Variants in SPTLC2 observed in about 807,000 individuals in gnomAD.
The protein encoded by SPTLC2 is serine palmitoyltransferase long chain base subunit 2, also known as serine palmitoyltransferase 2.
SPTLC2 carries 21 observed loss-of-function variants against 62.0 expected under a neutral mutation model. The observed-to-expected ratio is 0.34, with a 90% CI of 0.24 to 0.49. The LOEUF is 0.49. Ranked by LOEUF, SPTLC2 falls within the 20% of genes least tolerant of loss-of-function variation. The pLI is 0.99. For missense variants in SPTLC2, 511 were observed against 713.0 expected, an observed-to-expected ratio of 0.72 and a Z score of 3.23; for synonymous variants, 261 against 261.8, an observed-to-expected ratio of 1.00 and a Z score of 0.03.
chr14:77,545,259 G>C (rs1366336237), intron 9 of SPTLC2, among the ~76,000 whole-genome samples: 1 of 144,072 alleles, frequency 6.9e-6, no homozygotes, highest in Non-Finnish European at 1.5e-5. Flanking sequence ...TCTTAGTAGG[G>C]TATCGGGCAC....
intron 1 of SPTLC2, among the ~76,000 whole-genome samples, chr14:77,615,488 T>TA (rs1566796777): frequency 6.6e-6 from 1 of 152,232 alleles, no homozygotes; most frequent in Non-Finnish European, 1.5e-5. Flanking sequence ...CGTTCCTTAA[T>TA]ATCTGTACAA....
chr14:77,539,703 T>C (rs1438347472), intron 9 of SPTLC2, among the ~76,000 whole-genome samples: 1 of 151,964 alleles, frequency 6.6e-6, no homozygotes, highest in Non-Finnish European at 1.5e-5. Flanking sequence ...TTGGCCAGGC[T>C]GGTCTCAAAC....
At chr14:77,584,861 C>A (rs182496388) in intron 2 of SPTLC2, among the ~76,000 whole-genome samples, 3 of 152,158 alleles carry the variant, frequency 2.0e-5, no homozygotes, top group Non-Finnish European at 4.4e-5. Context: ...CCCTTGTGAT[C>A]GGGTTGCGGA....
intron 1 of SPTLC2, among the ~76,000 whole-genome samples, chr14:77,606,727 C>T (rs2079907370): frequency 6.6e-6 from 1 of 152,102 alleles, no homozygotes; most frequent in Non-Finnish European, 1.5e-5. Flanking sequence ...GAGCTCACGC[C>T]TGTAATCCCA....
chr14:77,561,252 C>CTG (rs2079613347), intron 6 of SPTLC2, among the ~76,000 whole-genome samples: 2 of 152,138 alleles, frequency 1.3e-5, no homozygotes, highest in Admixed American at 6.5e-5. Flanking sequence ...CAGGCACTAA[C>CTG]TGCCACACTG....
intron 9 of SPTLC2, among the ~76,000 whole-genome samples, chr14:77,544,068 T>C (rs915726698): frequency 1.3e-5 from 2 of 152,158 alleles, no homozygotes; most frequent in African/African-American, 4.8e-5. Flanking sequence ...CCCTCTCTCA[T>C]CCAAGCTGGA....
intron 9 of SPTLC2, among the ~76,000 whole-genome samples, chr14:77,540,680 G>A (rs752271745): frequency 8.5e-5 from 13 of 152,088 alleles, no homozygotes; most frequent in Non-Finnish European, 1.8e-4. Context: ...TCGCTATGTT[G>A]TCCAGGCTGG....
intron 2 of SPTLC2, among the ~76,000 whole-genome samples, chr14:77,590,628 C>T (rs1408281748): frequency 2.0e-5 from 3 of 152,142 alleles, no homozygotes; most frequent in Non-Finnish European, 4.4e-5. Flanking sequence ...AGGAGAATTG[C>T]TTGAACCTGG....
At chr14:77,588,037 C>CTT (rs1014381129) in intron 2 of SPTLC2, among the ~76,000 whole-genome samples, 1 of 152,082 alleles carries the variant, frequency 6.6e-6, no homozygotes, top group African/African-American at 2.4e-5. Context: ...TGGACTCAAG[C>CTT]TATCTCCCCA....
At chr14:77,612,095 C>A (rs888912612) in intron 1 of SPTLC2, among the ~76,000 whole-genome samples, 2 of 152,154 alleles carry the variant, frequency 1.3e-5, no homozygotes, top group Admixed American at 6.6e-5. Context: ...CAGAAGGGAA[C>A]TGACTTTGAG....
At chr14:77,584,030 C>T (rs1012069803) in intron 2 of SPTLC2, among the ~76,000 whole-genome samples, 1 of 152,210 alleles carries the variant, frequency 6.6e-6, no homozygotes, top group Non-Finnish European at 1.5e-5. Context: ...AGAGCCTTCT[C>T]AACTCAAGAG....
At chr14:77,588,119 T>G (rs1004401095) in intron 2 of SPTLC2, among the ~76,000 whole-genome samples, 1 of 152,112 alleles carries the variant, frequency 6.6e-6, no homozygotes, top group Non-Finnish European at 1.5e-5. Context: ...TTAAATTTTT[T>G]GTAGAGACAA....
At chr14:77,513,895 C>CAAAAAA (rs35769140) in intron 11 of SPTLC2, among the ~76,000 whole-genome samples, 1 of 106,248 alleles carries the variant, frequency 9.4e-6, no homozygotes, top group Non-Finnish European at 1.8e-5. Flanking sequence ...AACTCTGTCT[C>CAAAAAA]AAAAAAAAAA....
At chr14:77,604,879 A>AAAAAAAGGT (rs1555378668) in intron 1 of SPTLC2, among the ~76,000 whole-genome samples, 4 of 150,146 alleles carry the variant, frequency 2.7e-5, no homozygotes, top group Admixed American at 1.3e-4. Context: ...AAAAAAAAAA[A>AAAAAAAGGT]AAAAAAAGGT....
chr14:77,553,663 G>A (rs1233311484), intron 8 of SPTLC2, among the ~76,000 whole-genome samples: 4 of 147,262 alleles, frequency 2.7e-5, no homozygotes, highest in Non-Finnish European at 4.5e-5. Flanking sequence ...CCCAGGAGGC[G>A]GAGGTTGCAG....
At chr14:77,554,606 T>C (rs752840060) in intron 8 of SPTLC2, among the ~76,000 whole-genome samples, 3 of 152,208 alleles carry the variant, frequency 2.0e-5, no homozygotes, top group South Asian at 4.1e-4. Flanking sequence ...ACTACAATCT[T>C]ACAAGCTGGG....
At chr14:77,615,755 A>G (rs2079963078) in intron 1 of SPTLC2, among the ~76,000 whole-genome samples, 1 of 152,246 alleles carries the variant, frequency 6.6e-6, no homozygotes, top group South Asian at 2.1e-4. Context: ...CCACCAGGCT[A>G]AACAATCCCC....
chr14:77,598,592 T>C (rs544110135), intron 1 of SPTLC2, among the ~76,000 whole-genome samples: 3 of 152,214 alleles, frequency 2.0e-5, no homozygotes, highest in South Asian at 2.1e-4. Flanking sequence ...CCTTTGTTGG[T>C]AGTGATAACA....
chr14:77,569,564 CA>C (rs935361339), intron 5 of SPTLC2, among the ~76,000 whole-genome samples: 1 of 151,512 alleles, frequency 6.6e-6, no homozygotes, highest in Non-Finnish European at 1.5e-5. Context: ...TATAAACAAC[CA>C]AAAAACAAAA....
Sources: gnomAD v4.1 joint callset for allele counts (sites outside exome capture counted in the v4.1 genomes callset) on GRCh38, gnomAD v4.1.1 for gene constraint, MANE v1.5 for transcripts, NCBI Gene and HGNC (gene_info 2026-07-23, HGNC 2026-07-21) for gene names.